The following SKIL variants were observed in gnomAD, a reference collection of about 807,000 sequenced individuals.
SKIL encodes SKI like proto-oncogene, also known as ski-like protein.
SKIL carries 20 observed loss-of-function variants against 69.6 expected under a neutral mutation model. That is an observed-to-expected ratio of 0.29 (90% confidence interval 0.20 to 0.42). SKIL has a LOEUF of 0.42. SKIL is among the 10% of genes least tolerant of loss of function. The probability of loss-of-function intolerance (pLI) is 1.00; values close to 1 mark genes in which losing one functional copy is unlikely to be tolerated. For missense variants in SKIL, 745 were observed against 783.1 expected, an observed-to-expected ratio of 0.95 and a Z score of 0.58; for synonymous variants, 310 against 279.9, an observed-to-expected ratio of 1.11 and a Z score of -1.08.
chr3:170,366,684 C>CACACACAG (rs1736533343), intron 2 of SKIL, among the ~76,000 whole-genome samples: 2 of 75,722 alleles, frequency 2.6e-5, no homozygotes, highest in African/African-American at 9.8e-5. Flanking sequence ...CACACACACA[C>CACACACAG]ACACACACAC....
At chr3:170,368,503 C>T (rs1027123664) in intron 2 of SKIL, among the ~76,000 whole-genome samples, 1 of 152,228 alleles carries the variant, frequency 6.6e-6, no homozygotes, top group South Asian at 2.1e-4. Flanking sequence ...TAAACAGATA[C>T]AATTTGCACA....
intron 2 of SKIL, among the ~76,000 whole-genome samples, chr3:170,367,889 A>G (rs543407157): frequency 6.6e-6 from 1 of 152,370 alleles, no homozygotes; most frequent in Admixed American, 6.5e-5. Context: ...CAGATGACCT[A>G]AAGATAGCAA....
chr3:170,358,654 C>T (rs1371748125), intron 1 of SKIL: 1 of 152,226 alleles, frequency 6.6e-6, no homozygotes, highest in African/African-American at 2.4e-5. Context: ...AGGTAAAGTG[C>T]TGAGAGTTTG....
In SKIL at chr3:170,386,552, T is replaced by G. The variant is rs569143831; in HGVS notation, c.1429+1787T>G. Reference sequence around the variant, plus strand: ...TGATGCATTCATAGCTCACCGCAGCTTCAAATTGCTGGGCTCATAGTCCTT... The same window carrying G: ...TGATGCATTCATAGCTCACCGCAGCGTCAAATTGCTGGGCTCATAGTCCTT... On this transcript the variant is annotated intron_variant, in intron 4 of 6. Coordinates refer to ENST00000259119, the MANE Select transcript of SKIL (RefSeq NM_005414.5). 8.5e-5 allele frequency among the ~76,000 whole-genome samples: 13 copies of G among 152,260 alleles called. No individual in the cohort carries two copies. In the East Asian group the frequency reaches 2.3e-3, roughly 27 times the overall value.
intron 2 of SKIL, among the ~76,000 whole-genome samples, chr3:170,366,466 G>A (rs1175385071): frequency 6.6e-6 from 1 of 151,984 alleles, no homozygotes; most frequent in Non-Finnish European, 1.5e-5. Flanking sequence ...GATCACCTGA[G>A]GTCAGGGGTT....
Position 170,360,567 on chromosome 3 carries a change from C to G in SKIL, c.236C>G (p.Thr79Ser). The G allele has an allele frequency of 1.9e-6, 3 of 1,614,242 alleles. No homozygotes were observed. The highest frequency in any genetic ancestry group is 1.7e-6 in the Non-Finnish European group (2 of 1,180,052). The change falls in exon 2 of 7, where the codon ACT (threonine) becomes AGT (serine). Residue 79 changes from threonine (T) to serine (S), a missense_variant. Coordinates refer to ENST00000259119, the MANE Select transcript of SKIL (RefSeq NM_005414.5). ...VKRTCTSVPE[T>S]LHLNPSLKHT... is the part of the protein sequence containing the mutation. ...CGAACCTGTACTTCTGTTCCTGAAA[C>G]TTTGCATTTAAATCCCAGTTTGAAA...
intron 2 of SKIL, among the ~76,000 whole-genome samples, chr3:170,369,887 T>C (rs1345831510): frequency 6.6e-6 from 1 of 152,168 alleles, no homozygotes; most frequent in Non-Finnish European, 1.5e-5. Context: ...AAAATAAGGA[T>C]TTTATTAGAC....
intron 2 of SKIL, among the ~76,000 whole-genome samples, chr3:170,365,922 A>AT (rs141312867): frequency 6.6e-6 from 1 of 151,788 alleles, no homozygotes; most frequent in African/African-American, 2.4e-5. Context: ...TACCCAGCTA[A>AT]TTTTTTTATT....
intron 3 of SKIL, among the ~76,000 whole-genome samples, 169 bp from the exon 4 acceptor site, chr3:170,384,364 A>AT (rs201743113): frequency 0.014 from 2,050 of 151,722 alleles, 18 homozygotes; most frequent in Non-Finnish European, 0.019. Flanking sequence ...TAAAGTGTTG[A>AT]TTTTTTTCCT....
At chr3:170,368,871 T>C (rs1290180227) in intron 2 of SKIL, among the ~76,000 whole-genome samples, 1 of 152,232 alleles carries the variant, frequency 6.6e-6, no homozygotes, top group East Asian at 1.9e-4. Context: ...ATACATTGAT[T>C]GGAGATAGTG....
In SKIL at chr3:170,360,213, A is replaced by C. The variant is rs1206663971; in HGVS notation, c.-119A>C. On this transcript the variant is annotated 5_prime_UTR_variant, in exon 2 of 7. Transcript: ENST00000259119. Reference sequence around the variant, plus strand: ...ATTAATTTAAGGGGCTCTCGCTTTGAAAGTTTGAGAGTAAGTTACGATAGG... The same window carrying C: ...ATTAATTTAAGGGGCTCTCGCTTTGCAAGTTTGAGAGTAAGTTACGATAGG... 3 of 1,024,082 alleles carry C rather than the reference A, an allele frequency of 2.9e-6. No individual in the cohort carries two copies. Among genetic ancestry groups the C allele is most frequent in the Admixed American group, 2.7e-5 (1 of 36,646 alleles). The allele number at this position is 1,024,082 out of a possible 1,614,324, so 63.4% of individuals were successfully genotyped here.
intron 2 of SKIL, among the ~76,000 whole-genome samples, chr3:170,379,481 C>CT (rs1553854061): frequency 1.7e-5 from 1 of 59,420 alleles, no homozygotes; most frequent in Non-Finnish European, 4.7e-5. Flanking sequence ...GAGTCTTGCC[C>CT]CCCCTTTTAA....
At position 170,364,592 on chromosome 3, in the gene SKIL, A is replaced by G. The variant is rs1736413498; in HGVS notation, c.1098+3163A>G. Among the ~76,000 whole-genome samples, 3 of 151,520 alleles carry G rather than the reference A, an allele frequency of 2.0e-5. No homozygotes were observed. The South Asian group carries it at 6.2e-4, about 31-fold the overall frequency. On this transcript the variant is annotated intron_variant, in intron 2 of 6. Coordinates refer to ENST00000259119, the MANE Select transcript of SKIL (RefSeq NM_005414.5). ...CCTCCTCGTCCTCTCAATTGCTGGG[A>G]TTACAGGCATGAGCCATGGCGCCTG...
chr3:170,369,850 TTTA>T (rs1181036499), intron 2 of SKIL, among the ~76,000 whole-genome samples: 1 of 152,212 alleles, frequency 6.6e-6, no homozygotes, highest in African/African-American at 2.4e-5. Context: ...CATATAGAAT[TTTA>T]TTCTACTGGG....
At chr3:170,390,166 T>G in intron 4 of SKIL, 57 bp from the exon 5 acceptor site, 1 of 1,251,186 alleles carries the variant, frequency 8.0e-7, no homozygotes, top group South Asian at 1.3e-5. Context: ...ATTGTTCTAG[T>G]GATTTTTTTA....
In SKIL at chr3:170,392,819, G is replaced by A. The variant is rs1015527190; in HGVS notation, c.*402G>A. ...ATACAATGGTGGCTTTATATTTTAAGTATATAGAGCTACTCAAGGAGTTGA... is the reference window on the plus strand; with the variant it reads ...ATACAATGGTGGCTTTATATTTTAAATATATAGAGCTACTCAAGGAGTTGA... On this transcript the variant is annotated 3_prime_UTR_variant, in exon 7 of 7. Coordinates refer to ENST00000259119, the MANE Select transcript of SKIL (RefSeq NM_005414.5). 2 of 153,664 alleles carry A rather than the reference G, an allele frequency of 1.3e-5. No homozygotes were observed. Among genetic ancestry groups the A allele is most frequent in the African/African-American group, 4.8e-5 (2 of 41,460 alleles). The allele number at this position is 153,664 out of a possible 1,614,324, so 9.5% of individuals were successfully genotyped here. A position where few individuals can be genotyped will look rare whatever the true frequency, so the allele number is the denominator to read the frequency against.
chr3:170,386,075 C>T (rs976241853), intron 4 of SKIL, among the ~76,000 whole-genome samples: 9 of 149,864 alleles, frequency 6.0e-5, no homozygotes, highest in African/African-American at 2.2e-4. Context: ...GGATTCCAGG[C>T]GTGAGCCACC....
chr3:170,369,343 G>A (rs1021242705), intron 2 of SKIL, among the ~76,000 whole-genome samples: 5 of 152,090 alleles, frequency 3.3e-5, no homozygotes, highest in Non-Finnish European at 7.4e-5. Context: ...TAGTTTTCTC[G>A]TAGCAGTGCA....
intron 2 of SKIL, among the ~76,000 whole-genome samples, chr3:170,380,973 T>G (rs915241600): frequency 1.3e-5 from 2 of 150,932 alleles, no homozygotes; most frequent in Non-Finnish European, 2.9e-5. Context: ...GGACCACAGA[T>G]GTACACCACT....
Sources: gnomAD v4.1 joint callset for allele counts (sites outside exome capture counted in the v4.1 genomes callset) on GRCh38, gnomAD v4.1.1 for gene constraint, MANE v1.5 for transcripts, NCBI Gene and HGNC (gene_info 2026-07-23, HGNC 2026-07-21) for gene names.